CDH4: variants seen among roughly 807,000 people sequenced by gnomAD.
CDH4 encodes the protein cadherin 4, also known as cadherin-4.
Under a neutral mutation model 86.0 loss-of-function variants are expected in CDH4, and 33 were observed. The ratio of observed to expected loss-of-function variants is 0.38; its 90% CI spans 0.29 to 0.51. The LOEUF (loss-of-function observed/expected upper bound fraction) is 0.51, where lower values mean the gene tolerates loss of function less well. Ranked by LOEUF, CDH4 falls within the 20% of genes least tolerant of loss-of-function variation. The probability of loss-of-function intolerance (pLI) is 0.86; values close to 1 mark genes in which losing one functional copy is unlikely to be tolerated. For synonymous variants in CDH4, 555 were observed against 549.4 expected, an observed-to-expected ratio of 1.01 and a Z score of -0.14; for missense variants, 1,114 against 1,307.4, an observed-to-expected ratio of 0.85 and a Z score of 2.28.
intron 2 of CDH4, among the ~76,000 whole-genome samples, chr20:61,550,602 G>A (rs1261138862): frequency 2.0e-5 from 3 of 151,048 alleles, no homozygotes; most frequent in African/African-American, 7.3e-5. Context: ...GATGACCTCT[G>A]TCCTCCTCCC....
chr20:61,882,743 T>C (rs1290939235), intron 7 of CDH4, among the ~76,000 whole-genome samples: 3 of 152,192 alleles, frequency 2.0e-5, no homozygotes, highest in African/African-American at 7.2e-5. Flanking sequence ...CTCAGGAGAA[T>C]GGGAGAGGGA....
intron 2 of CDH4, among the ~76,000 whole-genome samples, chr20:61,341,670 T>G (rs190672169): frequency 6.6e-6 from 1 of 152,270 alleles, no homozygotes; most frequent in African/African-American, 2.4e-5. Context: ...ATAAACACCT[T>G]TGTTGATTAA....
intron 6 of CDH4, among the ~76,000 whole-genome samples, chr20:61,857,294 C>G (rs760402656): frequency 4.0e-4 from 61 of 152,374 alleles, no homozygotes; most frequent in African/African-American, 1.4e-3. Flanking sequence ...CCGAGGCCTT[C>G]GGCCCGGGCT....
chr20:61,542,390 G>A (rs1037190313), intron 2 of CDH4, among the ~76,000 whole-genome samples: 2 of 152,030 alleles, frequency 1.3e-5, no homozygotes, highest in African/African-American at 4.8e-5. Flanking sequence ...TCTGAGAGAG[G>A]GTTTCTCACA....
At position 61,582,789 on chromosome 20, in the gene CDH4, T is replaced by C. The variant is rs1464574950; in HGVS notation, c.170-160774T>C. Among the ~76,000 whole-genome samples, 1 of 151,842 alleles carries C rather than the reference T, an allele frequency of 6.6e-6. No individual in the cohort carries two copies. The highest frequency in any genetic ancestry group is 2.4e-5 in the African/African-American group (1 of 41,340). On this transcript the variant is annotated intron_variant, in intron 2 of 15. Coordinates refer to ENST00000614565, the MANE Select transcript of CDH4 (RefSeq NM_001794.5). The surrounding 1 kb of genome is among the most constrained non-coding windows in gnomAD (Gnocchi z 4.2). ...CTTTAACAGTTTTATTAAGGTGTAATTTACATGCCCTACACTCCACTCATC... is the reference window on the plus strand; with the variant it reads ...CTTTAACAGTTTTATTAAGGTGTAACTTACATGCCCTACACTCCACTCATC...
At chr20:61,715,331 AT>A (rs1467386344) in intron 2 of CDH4, among the ~76,000 whole-genome samples, 1 of 152,190 alleles carries the variant, frequency 6.6e-6, no homozygotes, top group Non-Finnish European at 1.5e-5. Context: ...GAGTTTGCAA[AT>A]ATTTTCTCAG....
chr20:61,657,109 G>T (rs557178867), intron 2 of CDH4, among the ~76,000 whole-genome samples: 1 of 152,166 alleles, frequency 6.6e-6, no homozygotes, highest in East Asian at 1.9e-4. Context: ...TATGCCAAAC[G>T]CACGCTCAGT....
chr20:61,426,232 C>T (rs1238170221), intron 2 of CDH4, among the ~76,000 whole-genome samples: 2 of 152,054 alleles, frequency 1.3e-5, no homozygotes, highest in African/African-American at 4.8e-5. Context: ...CATTTTTTGA[C>T]GCAGCCAGGT....
In CDH4 at chr20:61,919,712, G is replaced by A. The variant is rs140000162; in HGVS notation, c.1375-3739G>A. 3.7e-3 allele frequency among the ~76,000 whole-genome samples: 566 copies of A among 151,370 alleles called. 2 individuals carry two copies. The highest frequency in any genetic ancestry group is 0.013 in the African/African-American group (536 of 40,858). On this transcript the variant is annotated intron_variant, in intron 9 of 15. Coordinates refer to ENST00000614565, the MANE Select transcript of CDH4 (RefSeq NM_001794.5). ...AAGTAGGAGGAACCTGCATAATTGC[G>A]TGGAAGCGCTGTGTCATGATGATTG...
At chr20:61,446,034 C>T (rs2085348405) in intron 2 of CDH4, among the ~76,000 whole-genome samples, 1 of 152,150 alleles carries the variant, frequency 6.6e-6, no homozygotes, top group Non-Finnish European at 1.5e-5. Flanking sequence ...ACTGTGGGTG[C>T]GCAGTTGATT....
intron 2 of CDH4, among the ~76,000 whole-genome samples, chr20:61,477,931 G>A (rs1291085508): frequency 1.3e-5 from 2 of 152,082 alleles, no homozygotes; most frequent in Admixed American, 6.5e-5. Flanking sequence ...CTCTCTCTCC[G>A]TCTTACACAC....
intron 2 of CDH4, among the ~76,000 whole-genome samples, chr20:61,262,170 A>G (rs1193170098): frequency 1.3e-5 from 2 of 152,146 alleles, no homozygotes; most frequent in Non-Finnish European, 2.9e-5. Flanking sequence ...AGATTGAGAG[A>G]AAGTGCCACG....
At chr20:61,576,425 G>C (rs1260385579) in intron 2 of CDH4, among the ~76,000 whole-genome samples, 1 of 152,156 alleles carries the variant, frequency 6.6e-6, no homozygotes, top group Non-Finnish European at 1.5e-5. Context: ...CCTAACCCCT[G>C]GTCTTGGCTT....
chr20:61,698,060 T>C (rs751091627), intron 2 of CDH4, among the ~76,000 whole-genome samples: 4 of 152,218 alleles, frequency 2.6e-5, no homozygotes, highest in Non-Finnish European at 5.9e-5. Flanking sequence ...CTTGGGCCTG[T>C]CTCACACTGC....
At position 61,788,652 on chromosome 20, in the gene CDH4, G is replaced by C. The variant is rs564971897; in HGVS notation, c.576+15470G>C. Among the ~76,000 whole-genome samples, 116 of 152,298 alleles carry C rather than the reference G, an allele frequency of 7.6e-4. 1 individual carries two copies. Among genetic ancestry groups the C allele is most frequent in the African/African-American group, 2.2e-3 (90 of 41,560 alleles). On this transcript the variant is annotated intron_variant, in intron 4 of 15. Coordinates refer to ENST00000614565, the MANE Select transcript of CDH4 (RefSeq NM_001794.5). ...CTGCAGGAGGCCTGACCATGTTTCC[G>C]ATATTTGATGTTTCCTGTTAATTTC... is the stretch of plus-strand genomic sequence containing the variant.
intron 2 of CDH4, among the ~76,000 whole-genome samples, chr20:61,315,312 G>A (rs945966058): frequency 8.5e-5 from 13 of 152,174 alleles, no homozygotes; most frequent in Admixed American, 2.0e-4. Context: ...ATGCCAGACC[G>A]ATGCCTGGTA....
intron 2 of CDH4, among the ~76,000 whole-genome samples, chr20:61,256,854 C>T (rs948624745): frequency 2.6e-5 from 4 of 152,194 alleles, no homozygotes; most frequent in African/African-American, 9.7e-5. Context: ...TGTTTTCTTC[C>T]ACTCGTTCTT....
chr20:61,312,612 C>T (rs1411774078), intron 2 of CDH4, among the ~76,000 whole-genome samples: 4 of 152,188 alleles, frequency 2.6e-5, no homozygotes, highest in Non-Finnish European at 5.9e-5. Flanking sequence ...GTGACTTTCT[C>T]GCTAGAGCCT....
intron 2 of CDH4, among the ~76,000 whole-genome samples, chr20:61,534,565 G>A (rs562458431): frequency 2.3e-4 from 35 of 152,256 alleles, no homozygotes; most frequent in South Asian, 4.2e-4. Context: ...GGACCGGGCC[G>A]GAGGCTGAGG....
Sources: allele counts gnomAD v4.1 joint callset (sites outside exome capture counted in the v4.1 genomes callset), GRCh38; gene constraint gnomAD v4.1.1; non-coding constraint Gnocchi (gnomAD v3.1); transcripts MANE v1.5; gene names NCBI Gene and HGNC (gene_info 2026-07-23, HGNC 2026-07-21).